The following SUGCT variants were observed in gnomAD, a reference collection of about 807,000 sequenced individuals.
SUGCT encodes the protein succinyl-CoA:glutarate CoA-transferase.
Under a neutral mutation model 55.0 loss-of-function variants are expected in SUGCT, and 41 were observed. The ratio of observed to expected loss-of-function variants is 0.74; its 90% CI spans 0.58 to 0.97. SUGCT has a LOEUF of 0.97. Ranked by LOEUF, SUGCT falls within the 50% of genes least tolerant of loss-of-function variation. The pLI, the probability that SUGCT is intolerant of heterozygous loss-of-function variation, is 0.00. For missense variants in SUGCT, 568 were observed against 547.8 expected (o/e 1.04, Z -0.37); for synonymous variants, 187 against 200.4 (o/e 0.93, Z 0.56).
At chr7:40,556,884 C>T (rs1795586812) in intron 12 of SUGCT, among the ~76,000 whole-genome samples, 2 of 152,302 alleles carry the variant, frequency 1.3e-5, no homozygotes, top group South Asian at 2.1e-4. Flanking sequence ...AATGGAAAGA[C>T]ATCTTGTGAT....
At chr7:40,994,394 A>C in the SUGCT span, among the ~76,000 whole-genome samples, 10 of 85,892 alleles carry the variant, frequency 1.2e-4, no homozygotes, top group Non-Finnish European at 2.6e-4. Flanking sequence ...CTTCTCTCAA[A>C]GAGTCACCCC....
At chr7:40,878,388 G>A in the SUGCT span, among the ~76,000 whole-genome samples, 10 of 152,110 alleles carry the variant, frequency 6.6e-5, 1 homozygote, top group African/African-American at 2.4e-4. Context: ...TCACATCTAA[G>A]AATAAGGCAA....
intron 13 of SUGCT, among the ~76,000 whole-genome samples, chr7:40,752,652 G>A (rs899613347): frequency 3.3e-5 from 5 of 152,166 alleles, no homozygotes; most frequent in Admixed American, 2.0e-4. Context: ...CACTGTGCCC[G>A]GGCAAAAGCA....
chr7:40,634,859 A>T (rs541908560), intron 12 of SUGCT, among the ~76,000 whole-genome samples: 4 of 152,248 alleles, frequency 2.6e-5, no homozygotes, highest in Non-Finnish European at 4.4e-5. Context: ...TTTGAAATTA[A>T]TATGAATGAA....
chr7:40,607,197 G>A (rs1294859689), intron 12 of SUGCT, among the ~76,000 whole-genome samples: 1 of 151,076 alleles, frequency 6.6e-6, no homozygotes, highest in Non-Finnish European at 1.5e-5. Context: ...CTCAACCTCT[G>A]GGCTCAAGTT....
chr7:40,965,648 A>G, the SUGCT span: 1 of 152,214 alleles, frequency 6.6e-6, no homozygotes, highest in African/African-American at 2.4e-5. Flanking sequence ...AAATGAAACA[A>G]AATAAAACAT....
intron 7 of SUGCT, among the ~76,000 whole-genome samples, chr7:40,261,716 A>AT (rs943652599): frequency 6.6e-6 from 1 of 152,224 alleles, no homozygotes; most frequent in African/African-American, 2.4e-5. Flanking sequence ...TTTTTACAGA[A>AT]TGAGTTCAGA....
chr7:40,476,147 TA>T (rs1415701381), intron 11 of SUGCT, among the ~76,000 whole-genome samples: 1 of 152,158 alleles, frequency 6.6e-6, no homozygotes, highest in African/African-American at 2.4e-5. Context: ...GTACTTATGT[TA>T]TAGGAATTAA....
chr7:40,279,667 A>G (rs537350460), intron 8 of SUGCT, among the ~76,000 whole-genome samples: 1 of 152,296 alleles, frequency 6.6e-6, no homozygotes, highest in South Asian at 2.1e-4. Context: ...CATAATTATG[A>G]TAACGTTTCA....
chr7:40,606,230 A>C (rs1584112803), intron 12 of SUGCT, among the ~76,000 whole-genome samples: 3 of 152,334 alleles, frequency 2.0e-5, no homozygotes, highest in Admixed American at 2.0e-4. Flanking sequence ...TCTAAGAGGC[A>C]GAAAGTTGAT....
At chr7:40,546,052 A>C (rs1031380044) in intron 12 of SUGCT, among the ~76,000 whole-genome samples, 14 of 152,344 alleles carry the variant, frequency 9.2e-5, no homozygotes, top group Admixed American at 9.1e-4. Context: ...CCCAGCACTC[A>C]AATGTCTTTC....
At chr7:40,847,453 A>G (rs1174008169) in intron 13 of SUGCT, among the ~76,000 whole-genome samples, 3 of 100,984 alleles carry the variant, frequency 3.0e-5, no homozygotes, top group Non-Finnish European at 5.5e-5. Flanking sequence ...GTCTCACTTT[A>G]TCACCCATGC....
At chr7:40,669,628 A>T (rs1460867988) in intron 12 of SUGCT, among the ~76,000 whole-genome samples, 1 of 137,222 alleles carries the variant, frequency 7.3e-6, no homozygotes, top group African/African-American at 2.5e-5. Flanking sequence ...TACAATAACC[A>T]AAAAAAAAAC....
In SUGCT at chr7:40,194,331, G is replaced by A. The variant is rs55913371; in HGVS notation, c.364-609G>A. 5.7e-3 allele frequency among the ~76,000 whole-genome samples: 870 copies of A among 152,248 alleles called. 6 individuals carry two copies. The highest frequency in any genetic ancestry group is 0.019 in the African/African-American group (809 of 41,538). ...GGCTGGAGTGCAGTGGCGCCATCAC[G>A]GCTCATTGCAGCCTCAATTTACCGG... On this transcript the variant is annotated intron_variant, in intron 5 of 13. Transcript: ENST00000335693.
chr7:40,894,496 A>C, the SUGCT span, among the ~76,000 whole-genome samples: 10 of 152,250 alleles, frequency 6.6e-5, no homozygotes, highest in Non-Finnish European at 1.3e-4. Flanking sequence ...GAACTTCTGC[A>C]CAGAAAAAGA....
chr7:40,714,185 C>A (rs1426178799), intron 12 of SUGCT, among the ~76,000 whole-genome samples: 1 of 151,950 alleles, frequency 6.6e-6, no homozygotes, highest in East Asian at 1.9e-4. Flanking sequence ...CAAAAATTAG[C>A]CAGGTGTGTT....
At chr7:40,295,763 G>A (rs1031052095) in intron 8 of SUGCT, among the ~76,000 whole-genome samples, 1 of 152,126 alleles carries the variant, frequency 6.6e-6, no homozygotes, top group Non-Finnish European at 1.5e-5. Context: ...TGAGAATTTT[G>A]TAAAAATAAT....
At chr7:40,292,635 C>G (rs897191035) in intron 8 of SUGCT, among the ~76,000 whole-genome samples, 4 of 152,128 alleles carry the variant, frequency 2.6e-5, no homozygotes, top group Admixed American at 2.0e-4. Context: ...TTGCCTTCTG[C>G]TAAGTCTGTA....
At chr7:40,350,217 T>C (rs1583484779) in intron 9 of SUGCT, among the ~76,000 whole-genome samples, 1 of 151,552 alleles carries the variant, frequency 6.6e-6, no homozygotes, top group South Asian at 2.1e-4. Context: ...TTTGTACTTA[T>C]TACAATTTGA....
Sources: gnomAD v4.1 joint callset for allele counts (sites outside exome capture counted in the v4.1 genomes callset) on GRCh38, gnomAD v4.1.1 for gene constraint, MANE v1.5 for transcripts, NCBI Gene and HGNC (gene_info 2026-07-23, HGNC 2026-07-21) for gene names.